ALCAM: variants seen among roughly 807,000 people sequenced by gnomAD.
ALCAM encodes CD166 antigen.
ALCAM carries 30 observed loss-of-function variants against 70.9 expected under a neutral mutation model. The ratio of observed to expected loss-of-function variants is 0.42; its 90% CI spans 0.32 to 0.57. ALCAM has a LOEUF of 0.57. Among genes scored for constraint, ALCAM ranks in the 20% least tolerant of loss-of-function variants. The pLI, the probability that ALCAM is intolerant of heterozygous loss-of-function variation, is 0.11. For synonymous variants in ALCAM, 249 were observed against 242.5 expected, an observed-to-expected ratio of 1.03 and a Z score of -0.25; for missense variants, 591 against 695.1, an observed-to-expected ratio of 0.85 and a Z score of 1.68.
At chr3:105,386,910 C>T (rs1935673220) in intron 1 of ALCAM, among the ~76,000 whole-genome samples, 1 of 151,410 alleles carries the variant, frequency 6.6e-6, no homozygotes. Flanking sequence ...TCTGAAAGCA[C>T]CCATCAAAGG....
chr3:105,488,646 A>G (rs943567754), intron 1 of ALCAM, among the ~76,000 whole-genome samples: 5 of 148,884 alleles, frequency 3.4e-5, no homozygotes, highest in Admixed American at 2.7e-4. Context: ...GGAAGGAAGA[A>G]AGGATGGAAG....
At chr3:105,553,249 G>C (rs955755209) in intron 14 of ALCAM, 1 of 410,058 alleles carries the variant, frequency 2.4e-6, no homozygotes, top group African/African-American at 2.1e-5. Flanking sequence ...AAAATCCGAT[G>C]AACCAGCGAA....
intron 1 of ALCAM, among the ~76,000 whole-genome samples, chr3:105,493,556 G>T (rs764836693): frequency 2.0e-5 from 3 of 152,062 alleles, no homozygotes; most frequent in Non-Finnish European, 2.9e-5. Context: ...CTTCCTGGCC[G>T]CAGTGAGGAA....
chr3:105,505,861 A>C (rs1939060133), intron 1 of ALCAM, among the ~76,000 whole-genome samples: 1 of 152,146 alleles, frequency 6.6e-6, no homozygotes, highest in African/African-American at 2.4e-5. Flanking sequence ...TCATTTTCAA[A>C]AGATTTTATT....
At chr3:105,468,472 A>T (rs941100402) in intron 1 of ALCAM, among the ~76,000 whole-genome samples, 1 of 151,266 alleles carries the variant, frequency 6.6e-6, no homozygotes, top group Non-Finnish European at 1.5e-5. Flanking sequence ...CCATTCAATA[A>T]TATTAATTTG....
chr3:105,391,566 G>T (rs999298074), intron 1 of ALCAM, among the ~76,000 whole-genome samples: 3 of 152,006 alleles, frequency 2.0e-5, no homozygotes, highest in African/African-American at 7.2e-5. Flanking sequence ...CTTCCTATTT[G>T]AATATCTTTT....
intron 1 of ALCAM, among the ~76,000 whole-genome samples, chr3:105,475,590 A>C (rs182971730): frequency 1.3e-4 from 20 of 152,110 alleles, no homozygotes; most frequent in Non-Finnish European, 2.8e-4. Flanking sequence ...CGAACACATA[A>C]TTTGGTAGTA....
At chr3:105,438,801 A>G (rs1319995880) in intron 1 of ALCAM, among the ~76,000 whole-genome samples, 1 of 152,090 alleles carries the variant, frequency 6.6e-6, no homozygotes, top group Non-Finnish European at 1.5e-5. Flanking sequence ...TGAGCCCAGG[A>G]GTTTGAGACT....
Position 105,524,226 on chromosome 3 carries a change from G to T in ALCAM, c.175-63G>T, listed in dbSNP as rs994043994. On this transcript the variant is annotated intron_variant, in intron 2 of 15. Coordinates refer to ENST00000306107, the MANE Select transcript of ALCAM (RefSeq NM_001627.4). The stretch of plus-strand genomic sequence containing the variant: ...AATATGGCCAAGGAAATGTTATTTT[G>T]AATGTAATCCTGAAACATCTGAATA... 5 of 1,346,270 alleles carry T rather than the reference G, an allele frequency of 3.7e-6. No individual in the cohort carries two copies. In the Admixed American group the frequency reaches 8.9e-5, roughly 24 times the overall value. The allele number at this position is 1,346,270 out of a possible 1,614,324, so 83.4% of individuals were successfully genotyped here.
At chr3:105,511,852 A>G (rs753788600) in intron 1 of ALCAM, among the ~76,000 whole-genome samples, 1 of 151,040 alleles carries the variant, frequency 6.6e-6, no homozygotes, top group African/African-American at 2.4e-5. Context: ...CACTCAACCA[A>G]TTCAGAAGCA....
intron 6 of ALCAM, among the ~76,000 whole-genome samples, chr3:105,538,034 G>T (rs1217469080): frequency 2.0e-5 from 3 of 152,110 alleles, no homozygotes; most frequent in Non-Finnish European, 4.4e-5. Context: ...CCAGGCTAAG[G>T]AATTTTTATT....
chr3:105,367,196 G>T lies in ALCAM; in HGVS notation c.-213G>T. ...AGGGCCCGTGGGCTGGTGTTGACCG[G>T]GAGGGAGGAGGAGTTGGGGGCATTG... On this transcript the variant is annotated 5_prime_UTR_variant, in exon 1 of 16. Transcript: ENST00000306107. 1 of 567,890 alleles carries T rather than the reference G, an allele frequency of 1.8e-6. No individual in the cohort carries two copies. The highest frequency in any genetic ancestry group is 3.2e-6 in the Non-Finnish European group (1 of 315,510). The allele number at this position is 567,890 out of a possible 1,614,324, so 35.2% of individuals were successfully genotyped here. A position where few individuals can be genotyped will look rare whatever the true frequency, so the allele number is the denominator to read the frequency against.
chr3:105,538,920 A>G (rs1243536982), intron 6 of ALCAM, among the ~76,000 whole-genome samples: 2 of 152,148 alleles, frequency 1.3e-5, no homozygotes, highest in East Asian at 3.9e-4. Flanking sequence ...CAAACTTCTA[A>G]GTTTTTTTAT....
intron 14 of ALCAM, among the ~76,000 whole-genome samples, chr3:105,571,312 AG>A (rs1343991609): frequency 2.0e-5 from 3 of 152,194 alleles, no homozygotes; most frequent in African/African-American, 7.2e-5. Context: ...GCCACGTTAA[AG>A]TTGCTATAGC....
At chr3:105,399,424 A>C (rs1384085055) in intron 1 of ALCAM, among the ~76,000 whole-genome samples, 1 of 152,130 alleles carries the variant, frequency 6.6e-6, no homozygotes, top group Non-Finnish European at 1.5e-5. Context: ...TCAGAATATA[A>C]ATTTTATTAT....
At chr3:105,488,677 G>A (rs1207559699) in intron 1 of ALCAM, among the ~76,000 whole-genome samples, 3 of 149,916 alleles carry the variant, frequency 2.0e-5, no homozygotes, top group African/African-American at 7.4e-5. Flanking sequence ...GGAAGGGGAA[G>A]GGAAGGGGAA....
chr3:105,377,742 G>T (rs968275032), intron 1 of ALCAM, among the ~76,000 whole-genome samples: 1 of 151,940 alleles, frequency 6.6e-6, no homozygotes, highest in African/African-American at 2.4e-5. Flanking sequence ...AACATAAACT[G>T]TATAATTATA....
At chr3:105,512,984 A>T (rs1939277307) in intron 1 of ALCAM, among the ~76,000 whole-genome samples, 1 of 151,868 alleles carries the variant, frequency 6.6e-6, no homozygotes, top group Non-Finnish European at 1.5e-5. Context: ...AGTCCTCCTT[A>T]CTATGAAAAT....
At chr3:105,434,559 T>C (rs9827196) in intron 1 of ALCAM, among the ~76,000 whole-genome samples, 81,892 of 151,700 alleles carry the variant, frequency 0.54, 22,796 homozygotes, top group East Asian at 0.88. Flanking sequence ...TATTAATATA[T>C]ATAAATGTAT....
Sources: gnomAD v4.1 joint callset for allele counts (sites outside exome capture counted in the v4.1 genomes callset) on GRCh38, gnomAD v4.1.1 for gene constraint, MANE v1.5 for transcripts, NCBI Gene and HGNC (gene_info 2026-07-23, HGNC 2026-07-21) for gene names.